CCAR2: variants seen among roughly 807,000 people sequenced by gnomAD.
The protein encoded by CCAR2 is cell cycle and apoptosis regulator 2, also known as cell cycle and apoptosis regulator protein 2.
In CCAR2, 21 loss-of-function variants were observed where a neutral mutation model predicts 108.1. The ratio of observed to expected loss-of-function variants is 0.19; its 90% CI spans 0.14 to 0.28. CCAR2 has a LOEUF of 0.28. Among genes scored for constraint, CCAR2 ranks in the 10% least tolerant of loss-of-function variants. The pLI is 1.00. For synonymous variants in CCAR2, 577 were observed against 472.8 expected, an observed-to-expected ratio of 1.22 and a Z score of -2.86; for missense variants, 1,126 against 1,177.0, an observed-to-expected ratio of 0.96 and a Z score of 0.63.
At chr8:22,613,596 C>G (rs1398430446) in intron 8 of CCAR2, among the ~76,000 whole-genome samples, 1 of 152,220 alleles carries the variant, frequency 6.6e-6, no homozygotes, top group Non-Finnish European at 1.5e-5. Flanking sequence ...CCCTTCTGCT[C>G]TAACCAGTGG....
chr8:22,612,541 C>T (rs543851434), intron 7 of CCAR2, among the ~76,000 whole-genome samples: 2 of 152,234 alleles, frequency 1.3e-5, no homozygotes, highest in Admixed American at 6.5e-5. Context: ...GCTGGGATCA[C>T]AGGCGTGAGC....
rs555053698 is a variant in CCAR2 at position 22,620,366 on chromosome 8, G to T, written c.*684G>T. On this transcript the variant is annotated 3_prime_UTR_variant, in exon 21 of 21. Transcript: ENST00000308511. ...TTCTCCCCTGTTACCCATAATTCTT[G>T]CCTCTTTCCATAATCCGTGGTTTCA... 6.6e-6 allele frequency: 1 copy of T among 151,164 alleles called. No individual in the cohort carries two copies. Among genetic ancestry groups the T allele is most frequent in the Non-Finnish European group, 1.5e-5 (1 of 67,884 alleles). 9.4% of individuals were successfully genotyped at this position (151,164 alleles called of 1,614,324 possible).
At chr8:22,621,342 AGAG>A, downstream of CCAR2, 1 of 1,507,434 alleles carries the variant, frequency 6.6e-7, no homozygotes, top group Non-Finnish European at 8.9e-7. Flanking sequence ...CCAGCCTGTG[AGAG>A]GAGCAGCTAG....
intron 8 of CCAR2, 104 bp from the exon 9 acceptor site, chr8:22,613,988 C>T (rs1176871947): frequency 4.9e-6 from 5 of 1,015,196 alleles, no homozygotes; most frequent in Non-Finnish European, 7.2e-6. Context: ...TTCAAAAGTT[C>T]TCAGACTGAA....
chr8:22,616,206 G>A lies in CCAR2; in HGVS notation c.1803G>A (p.Glu601=), dbSNP rs137888558. 8.7e-6 allele frequency: 14 copies of A among 1,613,596 alleles called. No individual in the cohort carries two copies. The African/African-American group carries it at 1.9e-4, about 22-fold the overall frequency. Residue 601 remains glutamate, a synonymous_variant, in exon 14 of 21, where the codon GAG becomes GAA. Coordinates refer to ENST00000308511, the MANE Select transcript of CCAR2 (RefSeq NM_001393997.1). The part of the protein sequence containing the change: ...KEEVVKEPKD[E]AQNEGPATES... ...AGGTGGTCAAGGAGCCCAAGGATGA[G>A]GCACAGAATGAGGGCCCGGCTACAG...
chr8:22,619,546 T>C, intron 20 of CCAR2, 92 bp from the exon 21 acceptor site: 1 of 1,466,936 alleles, frequency 6.8e-7, no homozygotes, highest in South Asian at 1.2e-5. Context: ...CAGCGTGCAG[T>C]GGGAGCTTCC....
rs181551046 is a variant in CCAR2, at chr8:22,619,923, G to A, written c.*241G>A. On this transcript the variant is annotated 3_prime_UTR_variant, in exon 21 of 21. Transcript: ENST00000308511. The stretch of plus-strand genomic sequence containing the variant: ...AAATACAACATCTTTTGCACCCCTA[G>A]AATGTCATTTTGCCCTCAACCTTGG... 2.1e-4 allele frequency: 115 copies of A among 560,482 alleles called. 2 individuals are homozygous for A. In the Admixed American group the frequency reaches 2.8e-3, roughly 14 times the overall value. 34.7% of individuals were successfully genotyped at this position (560,482 alleles called of 1,614,324 possible).
intron 10 of CCAR2, 97 bp from the exon 11 acceptor site, chr8:22,614,741 C>T: frequency 2.6e-5 from 21 of 793,366 alleles, no homozygotes; most frequent in Non-Finnish European, 3.7e-5. Context: ...TTCCCCACTT[C>T]CGGCTGCCTT....
chr8:22,619,817 C>A lies in CCAR2; in HGVS notation c.*135C>A. The A allele has an allele frequency of 1.1e-6, 1 of 909,806 alleles. No homozygotes were observed. Among genetic ancestry groups the A allele is most frequent in the Non-Finnish European group, 1.7e-6 (1 of 585,684 alleles). The allele number at this position is 909,806 out of a possible 1,614,324, so 56.4% of individuals were successfully genotyped here. A position where few individuals can be genotyped will look rare whatever the true frequency, so the allele number is the denominator to read the frequency against. Reference sequence around the variant, plus strand: ...GGGTGGCTGACCCCATGCTCAGCCTCTAGGGGACGGCAGGCCATCAGGCTG... The same window carrying A: ...GGGTGGCTGACCCCATGCTCAGCCTATAGGGGACGGCAGGCCATCAGGCTG... On this transcript the variant is annotated 3_prime_UTR_variant, in exon 21 of 21. Transcript: ENST00000308511.
intron 6 of CCAR2, among the ~76,000 whole-genome samples, chr8:22,607,763 T>C (rs1038962697): frequency 1.6e-4 from 24 of 152,212 alleles, no homozygotes; most frequent in African/African-American, 5.8e-4. Flanking sequence ...TAGCTGGGAC[T>C]ACAGGCACCC....
intron 20 of CCAR2, 35 bp downstream of exon 20, chr8:22,619,390 C>G: frequency 1.9e-6 from 3 of 1,544,870 alleles, no homozygotes; most frequent in Non-Finnish European, 2.6e-6. Context: ...CAGCACAGCT[C>G]CTTTCCCTGA....
rs994804152 is a variant in CCAR2, at chr8:22,613,064, C to T, written c.632C>T (p.Pro211Leu). Reference sequence around the variant, plus strand: ...CGCAAACAGCGGGCTGGTGGAGAGCCCTGGGGTGCTAAGAAGCCAAGGCAT... The same window carrying T: ...CGCAAACAGCGGGCTGGTGGAGAGCTCTGGGGTGCTAAGAAGCCAAGGCAT... ...KKRKQRAGGEPWGAKKPRHDL... is the reference protein window; with the variant it reads ...KKRKQRAGGELWGAKKPRHDL... Residue 211 changes from proline to leucine, a missense_variant, in exon 8 of 21, where the codon CCC becomes CTC. Pro to Leu is a moderately conservative substitution (Grantham distance 98). Around this residue, in one of 4 missense-constraint regions of CCAR2, gnomAD observed 1,013 missense variants for 993.9 expected, o/e 1.02. Coordinates refer to ENST00000308511, the MANE Select transcript of CCAR2 (RefSeq NM_001393997.1). The T allele has an allele frequency of 1.2e-6, 2 of 1,613,094 alleles. No individual in the cohort carries two copies. The highest frequency in any genetic ancestry group is 3.3e-5 in the Admixed American group (2 of 59,854).
intron 6 of CCAR2, among the ~76,000 whole-genome samples, chr8:22,607,649 A>C (rs963338839): frequency 3.5e-4 from 52 of 148,026 alleles, no homozygotes; most frequent in Non-Finnish European, 6.1e-4. Flanking sequence ...TTTTGAGAGA[A>C]AGTCTTGCTC....
chr8:22,608,034 G>T lies in CCAR2; in HGVS notation c.553G>T (p.Gly185Cys). 6.2e-7 allele frequency: 1 copy of T among 1,613,966 alleles called. No homozygotes were observed. The change falls in exon 7 of 21, where the codon GGC becomes TGC. Residue 185 changes from glycine (G) to cysteine (C), a missense_variant. By Grantham distance (159) the Gly-to-Cys change is radical. Around this residue, in one of 4 missense-constraint regions of CCAR2, gnomAD observed 1,013 missense variants for 993.9 expected, o/e 1.02. Coordinates refer to ENST00000308511, the MANE Select transcript of CCAR2 (RefSeq NM_001393997.1). ...LSHLNRFPAR[G>C]PHGRLDQGRS... ...CCACCTGAACAGATTTCCTGCCCGG[G>T]GCCCTCATGGACGGTTGGATCAGGG...
chr8:22,614,023 T>A lies in CCAR2; in HGVS notation c.705-69T>A, dbSNP rs901639616. Reference sequence around the variant, plus strand: ...AAAAAAATTCGCCCATTTTTTCAAATCTTTGATGGTTTCATTTCGAATGTT... The same window carrying A: ...AAAAAAATTCGCCCATTTTTTCAAAACTTTGATGGTTTCATTTCGAATGTT... On this transcript the variant is annotated intron_variant, in intron 8 of 20. Transcript: ENST00000308511. 20 of 1,454,406 alleles carry A rather than the reference T, an allele frequency of 1.4e-5. No individual in the cohort carries two copies. The African/African-American group carries it at 2.1e-4, about 15-fold the overall frequency. The allele number at this position is 1,454,406 out of a possible 1,614,324, so 90.1% of individuals were successfully genotyped here.
At chr8:22,615,988 T>G in intron 13 of CCAR2, 24 bp from the exon 14 acceptor site, 1 of 1,613,450 alleles carries the variant, frequency 6.2e-7, no homozygotes, top group Non-Finnish European at 8.5e-7. Flanking sequence ...CTGATGCTCA[T>G]GGACCCTCCC....
chr8:22,619,659 G>A lies in CCAR2; in HGVS notation c.2749G>A (p.Glu917Lys), dbSNP rs530935066. ...ACAGGCTGACAGCTGGGTGGAGAAG[G>A]AGGAGCCGGCACCTAGCAACTGACG... ...VEKADSWVEK[E>K]EPAPSN The change falls in exon 21 of 21, where the codon GAG becomes AAG. Residue 917 changes from glutamate to lysine, a missense_variant. Physicochemically the swap from Glu to Lys is moderately conservative, Grantham distance 56 (BLOSUM62 1). This residue lies in a region of CCAR2 where 1,013 missense variants were observed against 993.9 expected (regional missense o/e 1.02). Coordinates refer to ENST00000308511, the MANE Select transcript of CCAR2 (RefSeq NM_001393997.1). The A allele has an allele frequency of 6.3e-7, 1 of 1,575,686 alleles. No individual in the cohort carries two copies. Among genetic ancestry groups the A allele is most frequent in the Non-Finnish European group, 8.6e-7 (1 of 1,160,186 alleles).
intron 7 of CCAR2, among the ~76,000 whole-genome samples, chr8:22,609,661 C>T (rs780122242): frequency 2.0e-5 from 3 of 152,222 alleles, no homozygotes; most frequent in East Asian, 1.9e-4. Flanking sequence ...CTCCCTTTCA[C>T]AGTGTGTGAG....
chr8:22,607,072 G>A (rs1801105781), intron 5 of CCAR2, 48 bp downstream of exon 5: 7 of 1,609,362 alleles, frequency 4.3e-6, no homozygotes, highest in African/African-American at 2.7e-5. Context: ...AGGGATGGAA[G>A]CCCCTGTGCC....
Sources: allele counts gnomAD v4.1 joint callset (sites outside exome capture counted in the v4.1 genomes callset), GRCh38; gene constraint gnomAD v4.1.1; regional missense constraint gnomAD v4.1.1; transcripts MANE v1.5; gene names NCBI Gene and HGNC (gene_info 2026-07-23, HGNC 2026-07-21).